TRIQK: variants seen among roughly 807,000 people sequenced by gnomAD.
The protein encoded by TRIQK is triple QxxK/R motif containing.
Under a neutral mutation model 10.8 loss-of-function variants are expected in TRIQK, and 10 were observed. The observed-to-expected ratio is 0.92, with a 90% CI of 0.57 to 1.57. The LOEUF (loss-of-function observed/expected upper bound fraction) is 1.57, where lower values mean the gene tolerates loss of function less well. TRIQK is among the 40% of genes most tolerant of loss of function. The probability of loss-of-function intolerance (pLI) is 0.00; values close to 1 mark genes in which losing one functional copy is unlikely to be tolerated. For synonymous variants in TRIQK, 33 were observed against 33.7 expected (o/e 0.98, Z 0.07); for missense variants, 107 against 97.7 (o/e 1.09, Z -0.40).
At chr8:92,996,736 A>G (rs1813156346) in intron 1 of TRIQK, among the ~76,000 whole-genome samples, 1 of 151,998 alleles carries the variant, frequency 6.6e-6, no homozygotes, top group South Asian at 2.1e-4. Context: ...TATTATTACT[A>G]AAGGATTAGA....
rs535992406 is a variant in TRIQK, at chr8:93,000,338, G to A, written c.-181+17271C>T. Among the ~76,000 whole-genome samples, 9 of 152,258 alleles carry A rather than the reference G, an allele frequency of 5.9e-5. 1 individual carries two copies. The highest frequency in any genetic ancestry group is 8.8e-5 in the Non-Finnish European group (6 of 68,030). ...ATGGACTCACAGTTCTACATGGCCC[G>A]GGAGGCTTCACAATCATGGCAGAAG... On this transcript the variant is annotated intron_variant, in intron 1 of 4. Coordinates refer to the TRIQK transcript ENST00000520686.
At chr8:92,912,478 T>A (rs539540797) in intron 3 of TRIQK, among the ~76,000 whole-genome samples, 141 of 151,524 alleles carry the variant, frequency 9.3e-4, no homozygotes, top group African/African-American at 3.1e-3. Context: ...AAGAAATATC[T>A]CAAATAACCT....
intron 4 of TRIQK, among the ~76,000 whole-genome samples, chr8:92,889,213 G>A (rs528032681): frequency 6.6e-6 from 1 of 151,762 alleles, no homozygotes; most frequent in East Asian, 1.9e-4. Flanking sequence ...AGCACTAGAA[G>A]CCTCTGAGGG....
At chr8:92,891,060 A>T (rs1816740661) in intron 4 of TRIQK, among the ~76,000 whole-genome samples, 1 of 151,858 alleles carries the variant, frequency 6.6e-6, no homozygotes. Flanking sequence ...ACTGCATCAC[A>T]CGGCAATGCT....
intron 1 of TRIQK, among the ~76,000 whole-genome samples, chr8:92,976,136 T>C (rs189293176): frequency 6.6e-5 from 10 of 152,142 alleles, no homozygotes; most frequent in South Asian, 6.2e-4. Context: ...TCTGCTTTAC[T>C]TCAATAGCAT....
intron 3 of TRIQK, among the ~76,000 whole-genome samples, chr8:92,898,128 CTTG>C (rs1808706530): frequency 6.6e-6 from 1 of 152,106 alleles, no homozygotes; most frequent in African/African-American, 2.4e-5. Flanking sequence ...ATGTTAAACA[CTTG>C]TTGTTCATTG....
intron 1 of TRIQK, among the ~76,000 whole-genome samples, chr8:92,994,457 C>G (rs1285147553): frequency 6.6e-6 from 1 of 151,732 alleles, no homozygotes; most frequent in African/African-American, 2.4e-5. Context: ...TTTTTTTCCT[C>G]CAAGGCTGAC....
intron 2 of TRIQK, among the ~76,000 whole-genome samples, chr8:92,930,581 A>C (rs1369967105): frequency 6.6e-6 from 1 of 152,082 alleles, no homozygotes; most frequent in Non-Finnish European, 1.5e-5. Context: ...CTGCACGCTA[A>C]GAGCTTAATC....
At chr8:92,980,952 CTTTAA>C (rs1812980193) in intron 1 of TRIQK, among the ~76,000 whole-genome samples, 4 of 150,426 alleles carry the variant, frequency 2.7e-5, no homozygotes, top group Admixed American at 2.7e-4. Flanking sequence ...AAGTTCTATG[CTTTAA>C]TTTAATTTTA....
intron 2 of TRIQK, among the ~76,000 whole-genome samples, chr8:92,942,349 CT>C (rs1471912617): frequency 6.6e-6 from 1 of 152,130 alleles, no homozygotes; most frequent in African/African-American, 2.4e-5. Flanking sequence ...TCAACATCCC[CT>C]CATGATAAAA....
In TRIQK at chr8:92,884,726, A is replaced by G. The variant is rs1044225005; in HGVS notation, c.*1896T>C. ...AGTATCTAATAAGCAATTATTACAT[A>G]TCCTCTCATTTAAATTACCACTGAA... On this transcript the variant is annotated 3_prime_UTR_variant, in exon 5 of 5. Transcript: ENST00000521988. 23 of 411,210 alleles carry G rather than the reference A, an allele frequency of 5.6e-5. No individual in the cohort carries two copies. The highest frequency in any genetic ancestry group is 1.6e-3 in the Middle Eastern group (2 of 1,236). 25.5% of individuals were successfully genotyped at this position (411,210 alleles called of 1,614,324 possible). A position where few individuals can be genotyped will look rare whatever the true frequency, so the allele number is the denominator to read the frequency against.
At chr8:92,909,428 T>G (rs1809452518) in intron 3 of TRIQK, among the ~76,000 whole-genome samples, 1 of 151,874 alleles carries the variant, frequency 6.6e-6, no homozygotes, top group Admixed American at 6.6e-5. Flanking sequence ...TCTCTCAAAA[T>G]TATTTGGAGA....
At chr8:92,970,100 A>G (rs1812859344), upstream of TRIQK, among the ~76,000 whole-genome samples, 1 of 152,092 alleles carries the variant, frequency 6.6e-6, no homozygotes, top group Non-Finnish European at 1.5e-5. Flanking sequence ...GGCTCCATTC[A>G]CGTTCCTGCA....
chr8:92,902,776 T>G (rs1325772897), intron 3 of TRIQK, among the ~76,000 whole-genome samples: 1 of 152,112 alleles, frequency 6.6e-6, no homozygotes, highest in African/African-American at 2.4e-5. Flanking sequence ...ACTATTGATA[T>G]GTTTTCATTA....
At chr8:92,913,276 C>G (rs1464899415) in intron 3 of TRIQK, among the ~76,000 whole-genome samples, 1 of 151,862 alleles carries the variant, frequency 6.6e-6, no homozygotes, top group Non-Finnish European at 1.5e-5. Flanking sequence ...AACAAATTTA[C>G]AAGAAAAAAA....
chr8:92,958,172 CCCAATCACTAAACTTCTTTTGATTTT>C (rs1812272046), intron 1 of TRIQK, among the ~76,000 whole-genome samples: 2 of 151,812 alleles, frequency 1.3e-5, no homozygotes, highest in African/African-American at 4.8e-5. Context: ...TAGATTAGGC[CCCAATCACTAAACTTCTTTTGATTTT>C]CCAATCACAA....
At chr8:92,927,380 G>A (rs1202086687) in intron 2 of TRIQK, among the ~76,000 whole-genome samples, 1 of 151,750 alleles carries the variant, frequency 6.6e-6, no homozygotes, top group Non-Finnish European at 1.5e-5. Context: ...GCAGAAAGTG[G>A]AACAATCTTT....
chr8:92,892,537 A>G (rs188594765), intron 3 of TRIQK, among the ~76,000 whole-genome samples: 16 of 151,936 alleles, frequency 1.1e-4, no homozygotes, highest in African/African-American at 3.6e-4. Flanking sequence ...AGTTTCCTTT[A>G]AGTAAAAGAC....
chr8:92,972,995 T>C (rs759975614), intron 1 of TRIQK: 3 of 152,234 alleles, frequency 2.0e-5, no homozygotes, highest in Non-Finnish European at 2.9e-5. Flanking sequence ...CTATTTCTTG[T>C]GATCTCACTT....
Sources: gnomAD v4.1 joint callset for allele counts (sites outside exome capture counted in the v4.1 genomes callset) on GRCh38, gnomAD v4.1.1 for gene constraint, MANE v1.5 for transcripts, NCBI Gene and HGNC (gene_info 2026-07-23, HGNC 2026-07-21) for gene names.